The following TAFA1 variants were observed in gnomAD, a reference collection of about 807,000 sequenced individuals.
TAFA1 encodes TAFA chemokine like family member 1, also known as chemokine-like protein TAFA-1.
Under a neutral mutation model 18.5 loss-of-function variants are expected in TAFA1, and 4 were observed. The observed-to-expected ratio is 0.22, with a 90% CI of 0.11 to 0.49. The LOEUF (loss-of-function observed/expected upper bound fraction) is 0.49, where lower values mean the gene tolerates loss of function less well. TAFA1 is among the 20% of genes least tolerant of loss of function. The pLI is 0.98. For synonymous variants in TAFA1, 56 were observed against 55.2 expected (o/e 1.01, Z -0.06); for missense variants, 147 against 169.0 (o/e 0.87, Z 0.72).
intron 3 of TAFA1, among the ~76,000 whole-genome samples, chr3:68,444,104 A>G (rs954364225): frequency 6.6e-6 from 1 of 152,060 alleles, no homozygotes; most frequent in African/African-American, 2.4e-5. Context: ...ATCATCCTCT[A>G]TGGCCTCATC....
At chr3:68,044,360 A>C (rs1240977333) in intron 2 of TAFA1, among the ~76,000 whole-genome samples, 1 of 152,196 alleles carries the variant, frequency 6.6e-6, no homozygotes, top group Non-Finnish European at 1.5e-5. Context: ...TGATGATTAC[A>C]TATCTGTTGA....
chr3:68,169,754 G>A (rs2066028960), intron 2 of TAFA1, among the ~76,000 whole-genome samples: 2 of 152,190 alleles, frequency 1.3e-5, no homozygotes, highest in Admixed American at 6.5e-5. Context: ...TTTTAACTAG[G>A]CATTACAAGA....
chr3:68,238,654 T>C (rs1440081197), intron 2 of TAFA1, among the ~76,000 whole-genome samples: 3 of 152,208 alleles, frequency 2.0e-5, no homozygotes, highest in Non-Finnish European at 2.9e-5. Flanking sequence ...ATTGTTTTGT[T>C]AATCCTTTCC....
intron 3 of TAFA1, among the ~76,000 whole-genome samples, chr3:68,462,799 T>C (rs1010987712): frequency 1.3e-5 from 2 of 152,164 alleles, no homozygotes; most frequent in African/African-American, 4.8e-5. Context: ...GATTTAATTA[T>C]GACATATATC....
At chr3:68,369,953 A>G (rs2069646744) in intron 2 of TAFA1, among the ~76,000 whole-genome samples, 1 of 152,046 alleles carries the variant, frequency 6.6e-6, no homozygotes. Flanking sequence ...GAATGCCGAA[A>G]TGTATATTTG....
chr3:68,257,965 C>G (rs902829651), intron 2 of TAFA1, among the ~76,000 whole-genome samples: 1 of 151,992 alleles, frequency 6.6e-6, no homozygotes, highest in African/African-American at 2.4e-5. Flanking sequence ...CATGGACATT[C>G]CATAAAATAT....
intron 3 of TAFA1, among the ~76,000 whole-genome samples, chr3:68,527,910 A>T (rs192392177): frequency 6.6e-6 from 1 of 152,148 alleles, no homozygotes; most frequent in East Asian, 1.9e-4. Flanking sequence ...TCACCAAGAT[A>T]AGATTGTCTG....
chr3:68,464,222 C>T (rs2071839392), intron 3 of TAFA1, among the ~76,000 whole-genome samples: 1 of 152,256 alleles, frequency 6.6e-6, no homozygotes, highest in Admixed American at 6.5e-5. Flanking sequence ...ACAGACAAAA[C>T]CCTGGCTCTC....
At chr3:68,160,939 T>G (rs2065918160) in intron 2 of TAFA1, among the ~76,000 whole-genome samples, 1 of 152,172 alleles carries the variant, frequency 6.6e-6, no homozygotes, top group Non-Finnish European at 1.5e-5. Flanking sequence ...TCACAGCGTG[T>G]AGATTTCAAG....
chr3:68,320,858 T>C (rs1401561455), intron 2 of TAFA1, among the ~76,000 whole-genome samples: 1 of 152,164 alleles, frequency 6.6e-6, no homozygotes, highest in African/African-American at 2.4e-5. Flanking sequence ...CCTGCTTACC[T>C]CCTTCTCCCC....
At chr3:68,210,377 A>G (rs1451165648) in intron 2 of TAFA1, among the ~76,000 whole-genome samples, 1 of 152,006 alleles carries the variant, frequency 6.6e-6, no homozygotes, top group Non-Finnish European at 1.5e-5. Flanking sequence ...GTGAATACAC[A>G]TAAGCTCTTG....
rs543268072 is a variant in TAFA1 at position 68,112,377 on chromosome 3, A to G, written c.118+105633A>G. 1.1e-3 allele frequency among the ~76,000 whole-genome samples: 171 copies of G among 152,356 alleles called. 1 individual carries two copies. The highest frequency in any genetic ancestry group is 2.1e-3 in the Admixed American group (32 of 15,294). On this transcript the variant is annotated intron_variant, in intron 2 of 4. Coordinates refer to ENST00000478136, the MANE Select transcript of TAFA1 (RefSeq NM_213609.4). ...TTTTTAAGGGTAATGTGCCACATTA[A>G]TGGAATAAAAGAAGAAAATCATTTC...
chr3:68,188,596 A>G (rs2066299589), intron 2 of TAFA1, among the ~76,000 whole-genome samples: 1 of 151,392 alleles, frequency 6.6e-6, no homozygotes, highest in African/African-American at 2.4e-5. Context: ...AACAATTTGA[A>G]ACTAATATCT....
At chr3:68,445,704 T>C (rs542261140) in intron 3 of TAFA1, among the ~76,000 whole-genome samples, 1 of 152,212 alleles carries the variant, frequency 6.6e-6, no homozygotes, top group Admixed American at 6.5e-5. Context: ...TTTAAACAGA[T>C]GATTGGGCCT....
intron 2 of TAFA1, among the ~76,000 whole-genome samples, chr3:68,270,374 T>A (rs1051668285): frequency 6.6e-6 from 1 of 152,122 alleles, no homozygotes; most frequent in African/African-American, 2.4e-5. Flanking sequence ...TGTGTTTGTG[T>A]CCAGAAGAAG....
intron 2 of TAFA1, among the ~76,000 whole-genome samples, chr3:68,115,420 G>A (rs2065313359): frequency 6.6e-6 from 1 of 152,166 alleles, no homozygotes; most frequent in East Asian, 1.9e-4. Flanking sequence ...CCAGATAAGC[G>A]TTAAATCTTT....
chr3:68,143,431 A>C (rs1221726884), intron 2 of TAFA1, among the ~76,000 whole-genome samples: 1 of 152,166 alleles, frequency 6.6e-6, no homozygotes, highest in East Asian at 1.9e-4. Context: ...TCCTTCTACT[A>C]ACACTCTGAC....
Position 68,006,612 on chromosome 3 carries a change from T to G in TAFA1, c.-3-12T>G. On this transcript the variant is annotated splice_polypyrimidine_tract_variant and intron_variant, in intron 1 of 4. Coordinates refer to ENST00000478136, the MANE Select transcript of TAFA1 (RefSeq NM_213609.4). The stretch of plus-strand genomic sequence containing the variant: ...GCCGGAGGTAACCTTTCCTGTCGAA[T>G]GTTCTCTTTAGAGAATGGCAATGGT... 1 of 1,594,148 alleles carries G rather than the reference T, an allele frequency of 6.3e-7. No individual in the cohort carries two copies. The highest frequency in any genetic ancestry group is 8.6e-7 in the Non-Finnish European group (1 of 1,161,838).
intron 2 of TAFA1, among the ~76,000 whole-genome samples, chr3:68,015,352 T>C (rs908990478): frequency 7.3e-5 from 11 of 151,716 alleles, no homozygotes; most frequent in Non-Finnish European, 1.3e-4. Flanking sequence ...AATGGCATGC[T>C]CTCGGCTCAC....
Sources: gnomAD v4.1 joint callset for allele counts (sites outside exome capture counted in the v4.1 genomes callset) on GRCh38, gnomAD v4.1.1 for gene constraint, MANE v1.5 for transcripts, NCBI Gene and HGNC (gene_info 2026-07-23, HGNC 2026-07-21) for gene names.